Variants in DLGAP2 observed in about 807,000 individuals in gnomAD.
DLGAP2 encodes the protein DLG associated protein 2.
DLGAP2 carries 26 observed loss-of-function variants against 100.3 expected under a neutral mutation model. That is an observed-to-expected ratio of 0.26 (90% CI 0.19 to 0.36). The LOEUF is 0.36. Ranked by LOEUF, DLGAP2 falls within the 10% of genes least tolerant of loss-of-function variation. The probability of loss-of-function intolerance (pLI) is 1.00; values close to 1 mark genes in which losing one functional copy is unlikely to be tolerated. For missense variants in DLGAP2, 1,858 were observed against 1,453.2 expected (o/e 1.28, Z -4.53); for synonymous variants, 886 against 630.1 (o/e 1.41, Z -6.08).
chr8:1,279,048 CA>C (rs1207884831), intron 3 of DLGAP2, among the ~76,000 whole-genome samples: 2 of 152,130 alleles, frequency 1.3e-5, no homozygotes, highest in African/African-American at 2.4e-5. Context: ...ATACTCACCC[CA>C]GGGGGTGTGC....
intron 6 of DLGAP2, among the ~76,000 whole-genome samples, chr8:1,626,463 A>G (rs1463387617): frequency 2.2e-5 from 2 of 89,100 alleles, no homozygotes; most frequent in South Asian, 8.5e-4. Context: ...TCCCATCTGT[A>G]CCCTGTGGTG....
At chr8:1,384,131 T>C (rs12682470) in intron 3 of DLGAP2, among the ~76,000 whole-genome samples, 82,405 of 152,194 alleles carry the variant, frequency 0.54, 22,564 homozygotes, top group East Asian at 0.71. Context: ...ATTAGGTTAC[T>C]AGGCCAGGTC....
In DLGAP2 at chr8:1,178,894, G is replaced by A. The variant is rs142948931; in HGVS notation, c.74-79957G>A. Among the ~76,000 whole-genome samples, 485 of 152,284 alleles carry A rather than the reference G, an allele frequency of 3.2e-3. 9 individuals are homozygous for A. The highest frequency in any genetic ancestry group is 0.025 in the Admixed American group (389 of 15,298). On this transcript the variant is annotated intron_variant, in intron 2 of 14. Transcript: ENST00000637795. ...TGCTCTTTCAGTTAGGAGCCCCCCT[G>A]CCCCACACCATTGCCCCTTCAGCCT...
At chr8:1,296,134 G>A (rs1228750806) in intron 3 of DLGAP2, 2 of 152,160 alleles carry the variant, frequency 1.3e-5, no homozygotes, top group East Asian at 3.9e-4. Flanking sequence ...TTTGCAGGGT[G>A]GAGTTGGGGT....
intron 13 of DLGAP2, among the ~76,000 whole-genome samples, chr8:1,694,438 G>A (rs111425902): frequency 5.3e-5 from 8 of 152,340 alleles, no homozygotes; most frequent in South Asian, 2.1e-4. Context: ...CACAGGGAGC[G>A]GAGCCTTTCG....
At chr8:1,274,049 T>C (rs935376639) in intron 3 of DLGAP2, among the ~76,000 whole-genome samples, 1 of 152,154 alleles carries the variant, frequency 6.6e-6, no homozygotes, top group African/African-American at 2.4e-5. Context: ...TGAGATAAAA[T>C]CATTAGAATT....
In DLGAP2 at chr8:1,128,908, G is replaced by A. The variant is rs181369328; in HGVS notation, c.74-129943G>A. Among the ~76,000 whole-genome samples the A allele has an allele frequency of 4.9e-3, 740 of 152,308 alleles. 3 individuals are homozygous for A. Among genetic ancestry groups the A allele is most frequent in the African/African-American group, 0.017 (704 of 41,578 alleles). ...ACAGCATGAGTTAACCTGGATGGAA[G>A]CATCAGAAGCTCCATGAGGCAGGGT... On this transcript the variant is annotated intron_variant, in intron 2 of 14. Transcript: ENST00000637795.
intron 2 of DLGAP2, among the ~76,000 whole-genome samples, chr8:947,385 G>A (rs1168998650): frequency 6.6e-6 from 1 of 152,232 alleles, no homozygotes; most frequent in Non-Finnish European, 1.5e-5. Flanking sequence ...TAATTTTGCG[G>A]GAAGGATTTT....
intron 3 of DLGAP2, among the ~76,000 whole-genome samples, chr8:1,390,593 C>T (rs1318256221): frequency 1.3e-5 from 2 of 152,080 alleles, no homozygotes; most frequent in East Asian, 3.9e-4. Flanking sequence ...GTGCCGCCTC[C>T]CTTGCCTGCT....
intron 2 of DLGAP2, among the ~76,000 whole-genome samples, chr8:973,682 A>G (rs997818907): frequency 6.6e-6 from 1 of 152,236 alleles, no homozygotes; most frequent in Non-Finnish European, 1.5e-5. Context: ...TCTCAGTTCC[A>G]GCTCCTTTCT....
At chr8:1,484,636 T>G (rs1488744539) in intron 3 of DLGAP2, among the ~76,000 whole-genome samples, 19 of 152,224 alleles carry the variant, frequency 1.2e-4, no homozygotes, top group Admixed American at 1.2e-3. Context: ...ACTTACAAGC[T>G]GGACAGGAAT....
intron 3 of DLGAP2, among the ~76,000 whole-genome samples, chr8:1,446,770 A>T (rs904562312): frequency 6.6e-6 from 1 of 152,120 alleles, no homozygotes; most frequent in Non-Finnish European, 1.5e-5. Flanking sequence ...TATTTCATTG[A>T]GCAGTGGTTT....
intron 3 of DLGAP2, among the ~76,000 whole-genome samples, chr8:1,288,934 A>C (rs1004509915): frequency 2.6e-5 from 4 of 152,208 alleles, no homozygotes; most frequent in African/African-American, 9.7e-5. Flanking sequence ...AAGATTTTTA[A>C]CATGAAGTTC....
At chr8:1,345,440 A>G (rs1468488456) in intron 3 of DLGAP2, among the ~76,000 whole-genome samples, 1 of 152,378 alleles carries the variant, frequency 6.6e-6, no homozygotes, top group African/African-American at 2.4e-5. Context: ...AACTACGTCT[A>G]TGACAAAATA....
intron 3 of DLGAP2, among the ~76,000 whole-genome samples, chr8:1,372,399 C>T (rs186454533): frequency 5.9e-5 from 9 of 152,292 alleles, no homozygotes; most frequent in Middle Eastern, 6.8e-3. Context: ...AAGCAGACAC[C>T]GTCTTGCCCT....
intron 1 of DLGAP2, among the ~76,000 whole-genome samples, chr8:867,865 A>C (rs1797527506): frequency 6.6e-6 from 1 of 152,224 alleles, no homozygotes; most frequent in African/African-American, 2.4e-5. Flanking sequence ...TTAGTTTTCC[A>C]CGTAACGCAT....
chr8:1,362,826 T>G (rs926348666), intron 3 of DLGAP2, among the ~76,000 whole-genome samples: 11 of 152,254 alleles, frequency 7.2e-5, no homozygotes, highest in African/African-American at 2.7e-4. Context: ...GCTTCTGGGC[T>G]TCTCCTGGTG....
At chr8:1,362,074 AAGG>A (rs1380578650) in intron 3 of DLGAP2, among the ~76,000 whole-genome samples, 1 of 147,854 alleles carries the variant, frequency 6.8e-6, no homozygotes, top group African/African-American at 2.5e-5. Context: ...AAGAGAATTC[AAGG>A]AGAGCGGTAC....
intron 2 of DLGAP2, among the ~76,000 whole-genome samples, chr8:1,125,258 T>C (rs1013651377): frequency 3.9e-5 from 6 of 152,244 alleles, no homozygotes; most frequent in Non-Finnish European, 5.9e-5. Flanking sequence ...AGATATTTCA[T>C]TGTCATTGTC....
Sources: allele counts gnomAD v4.1 joint callset (sites outside exome capture counted in the v4.1 genomes callset), GRCh38; gene constraint gnomAD v4.1.1; transcripts MANE v1.5; gene names NCBI Gene and HGNC (gene_info 2026-07-23, HGNC 2026-07-21).